The following SHANK2 variants were observed in gnomAD, a reference collection of about 807,000 sequenced individuals.
SHANK2 encodes the protein SH3 and multiple ankyrin repeat domains 2.
Under a neutral mutation model 133.7 loss-of-function variants are expected in SHANK2, and 43 were observed. That is an observed-to-expected ratio of 0.32 (90% CI 0.25 to 0.41). The LOEUF is 0.41. SHANK2 is among the 10% of genes least tolerant of loss of function. The pLI is 1.00. For missense variants in SHANK2, 1,994 were observed against 2,235.8 expected (o/e 0.89, Z 2.18); for synonymous variants, 1,017 against 952.8 (o/e 1.07, Z -1.24).
chr11:70,502,156 C>T lies in SHANK2; in HGVS notation c.2278+50G>A, dbSNP rs146778438. 7,502 of 1,537,620 alleles carry T rather than the reference C, an allele frequency of 4.9e-3. 574 individuals carry two copies. In the Admixed American group the frequency reaches 0.14, roughly 28 times the overall value. ...GCCTGGTGCTTTGCAAAGGGCAGCT[C>T]AGGGACCGGCATGGTGACTGTACAG... On this transcript the variant is annotated intron_variant, in intron 19 of 25. Transcript: ENST00000601538.
At chr11:70,587,245 C>T (rs1554987000) in intron 17 of SHANK2, among the ~76,000 whole-genome samples, 1 of 152,168 alleles carries the variant, frequency 6.6e-6, no homozygotes. Flanking sequence ...ACATGAATCA[C>T]CAAGAAATGA....
chr11:70,662,303 G>C (rs1555013691), intron 15 of SHANK2: 1 of 167,200 alleles, frequency 6.0e-6, no homozygotes, highest in African/African-American at 2.4e-5. Context: ...CCGTCCCGGC[G>C]CCGGCGGTGT....
At chr11:71,136,056 G>C (rs1357605041) in intron 3 of SHANK2, among the ~76,000 whole-genome samples, 11 of 152,164 alleles carry the variant, frequency 7.2e-5, no homozygotes, top group South Asian at 2.1e-4. Context: ...CCTACATTCT[G>C]GTTGCGACGG....
chr11:70,514,057 A>G (rs2059237487), intron 17 of SHANK2, among the ~76,000 whole-genome samples: 1 of 152,220 alleles, frequency 6.6e-6, no homozygotes, highest in South Asian at 2.1e-4. Flanking sequence ...GTATTTAAAA[A>G]ATTATATAGG....
intron 17 of SHANK2, among the ~76,000 whole-genome samples, chr11:70,576,497 C>T (rs1270444418): frequency 6.6e-6 from 1 of 152,120 alleles, no homozygotes; most frequent in Non-Finnish European, 1.5e-5. Flanking sequence ...ATTAGCCAGG[C>T]GTGGTGGTGG....
chr11:70,699,140 C>T (rs561544166), intron 14 of SHANK2, among the ~76,000 whole-genome samples: 39 of 152,068 alleles, frequency 2.6e-4, no homozygotes, highest in Non-Finnish European at 4.6e-4. Flanking sequence ...AGCATTCTGC[C>T]GTGGTGCTGC....
At chr11:70,776,286 T>C (rs1947363572) in intron 14 of SHANK2, among the ~76,000 whole-genome samples, 1 of 152,142 alleles carries the variant, frequency 6.6e-6, no homozygotes, top group Non-Finnish European at 1.5e-5. Context: ...CATGTGGATG[T>C]CCAAGCCCCA....
At chr11:70,845,504 C>T (rs1213404748) in intron 11 of SHANK2, among the ~76,000 whole-genome samples, 7 of 152,060 alleles carry the variant, frequency 4.6e-5, no homozygotes, top group African/African-American at 1.2e-4. Flanking sequence ...TTATTGGCCC[C>T]GGGGCCAGCA....
intron 2 of SHANK2, among the ~76,000 whole-genome samples, chr11:71,201,885 G>A (rs1475267098): frequency 2.6e-5 from 4 of 152,184 alleles, no homozygotes; most frequent in African/African-American, 7.2e-5. Context: ...CCTGCCTCCC[G>A]GAACCTGCCC....
chr11:70,613,623 C>T (rs1266510126), intron 17 of SHANK2, among the ~76,000 whole-genome samples: 3 of 152,086 alleles, frequency 2.0e-5, no homozygotes, highest in Non-Finnish European at 4.4e-5. Flanking sequence ...AAGTCCTCAC[C>T]CCAGGATCTC....
At chr11:70,836,424 G>A (rs1948818104) in intron 11 of SHANK2, among the ~76,000 whole-genome samples, 1 of 152,224 alleles carries the variant, frequency 6.6e-6, no homozygotes, top group Non-Finnish European at 1.5e-5. Flanking sequence ...TTGAAGGCCA[G>A]CAGTTGTGCA....
intron 2 of SHANK2, among the ~76,000 whole-genome samples, chr11:71,216,743 C>T (rs1329602039): frequency 6.6e-6 from 1 of 152,178 alleles, no homozygotes; most frequent in African/African-American, 2.4e-5. Flanking sequence ...CCTCACGCGT[C>T]TGTGATGCTG....
At chr11:70,824,974 C>T (rs1417012280) in intron 11 of SHANK2, among the ~76,000 whole-genome samples, 1 of 152,168 alleles carries the variant, frequency 6.6e-6, no homozygotes, top group Non-Finnish European at 1.5e-5. Context: ...GAGCCCCCAG[C>T]TTCCTGGGGC....
chr11:71,199,063 C>T (rs1264940760), intron 2 of SHANK2, among the ~76,000 whole-genome samples: 1 of 152,198 alleles, frequency 6.6e-6, no homozygotes, highest in East Asian at 1.9e-4. Flanking sequence ...TGAGGCACTC[C>T]AGGCCAGGGG....
chr11:70,734,106 C>A (rs1228905671), intron 14 of SHANK2, among the ~76,000 whole-genome samples: 1 of 152,034 alleles, frequency 6.6e-6, no homozygotes, highest in Non-Finnish European at 1.5e-5. Flanking sequence ...AGGAGGCACC[C>A]CCTGAGCCGC....
chr11:70,714,495 C>G (rs544121420), intron 14 of SHANK2, among the ~76,000 whole-genome samples: 1 of 152,350 alleles, frequency 6.6e-6, no homozygotes, highest in South Asian at 2.1e-4. Context: ...AATCGAGGCA[C>G]CGGAAGGTTA....
chr11:70,825,737 G>C (rs781953470), intron 11 of SHANK2, among the ~76,000 whole-genome samples: 16 of 151,790 alleles, frequency 1.1e-4, no homozygotes, highest in Non-Finnish European at 2.2e-4. Context: ...AGAGCTCTCT[G>C]ACAAAACTCT....
intron 2 of SHANK2, among the ~76,000 whole-genome samples, chr11:71,220,364 C>A (rs569846248): frequency 2.6e-5 from 4 of 152,270 alleles, no homozygotes; most frequent in South Asian, 4.1e-4. Flanking sequence ...GAAAACAGTA[C>A]GGCAGTTTCT....
intron 11 of SHANK2, among the ~76,000 whole-genome samples, chr11:70,883,886 G>A (rs1160945779): frequency 6.6e-6 from 1 of 152,224 alleles, no homozygotes; most frequent in Admixed American, 6.5e-5. Flanking sequence ...GGACCAGGAA[G>A]GAGGAATCTG....
Sources: allele counts gnomAD v4.1 joint callset (sites outside exome capture counted in the v4.1 genomes callset), GRCh38; gene constraint gnomAD v4.1.1; transcripts MANE v1.5; gene names NCBI Gene and HGNC (gene_info 2026-07-23, HGNC 2026-07-21).